Variants in UBXN2B observed in about 807,000 individuals in gnomAD.
The protein encoded by UBXN2B is UBX domain-containing protein 2B.
In UBXN2B, 19 loss-of-function variants were observed where a neutral mutation model predicts 37.5. The ratio of observed to expected loss-of-function variants is 0.51; its 90% CI spans 0.35 to 0.74. The LOEUF is 0.74. Among genes scored for constraint, UBXN2B ranks in the 30% least tolerant of loss-of-function variants. The pLI is 0.01. For synonymous variants in UBXN2B, 145 were observed against 143.8 expected (o/e 1.01, Z -0.06); for missense variants, 370 against 393.2 (o/e 0.94, Z 0.50).
chr8:58,430,871 C>T (rs1808252917), intron 3 of UBXN2B, among the ~76,000 whole-genome samples: 1 of 151,924 alleles, frequency 6.6e-6, no homozygotes, highest in Non-Finnish European at 1.5e-5. Context: ...TTTAATTTAC[C>T]TTTTAATTAC....
intron 2 of UBXN2B, among the ~76,000 whole-genome samples, chr8:58,426,919 G>C (rs1334246129): frequency 2.0e-5 from 3 of 152,182 alleles, no homozygotes; most frequent in Non-Finnish European, 4.4e-5. Context: ...CTTCTAATAA[G>C]GTTTTGCCAA....
At chr8:58,426,297 G>C (rs13253288) in intron 2 of UBXN2B, 331,872 of 491,950 alleles carry the variant, frequency 0.67, 113,114 homozygotes, top group East Asian at 0.81. Flanking sequence ...AGCTCCGCCT[G>C]CTGGGTTCAT....
Position 58,439,706 on chromosome 8 carries a change from C to G in UBXN2B, c.607C>G (p.Gln203Glu). Residue 203 changes from glutamine to glutamate, a missense_variant, in exon 6 of 8, where the codon CAA (glutamine) becomes GAA (glutamate). By Grantham distance (29) the Gln-to-Glu change is conservative (BLOSUM62 2). Transcript: ENST00000399598. ...TTTGGATATGGAGGATCATCAGGAT[C>G]AAGAATACATAAAACCTAGATTGAG... ...VNLDMEDHQD[Q>E]EYIKPRLRFK... The G allele has an allele frequency of 6.2e-7, 1 of 1,612,834 alleles. No individual in the cohort carries two copies.
chr8:58,434,361 A>AT lies in UBXN2B; in HGVS notation c.424-33dup, dbSNP rs1338512085. ...TATGTATATGTGAATATATATATAT[A>AT]TATATATATTTTTTTTTTTTCTATA... On this transcript the variant is annotated intron_variant, in intron 4 of 7. Coordinates refer to ENST00000399598, the MANE Select transcript of UBXN2B (RefSeq NM_001077619.2). The AT allele has an allele frequency of 9.1e-5, 51 of 561,714 alleles. No homozygotes were observed. In the African/African-American group the frequency reaches 1.6e-3, roughly 18 times the overall value. The allele number at this position is 561,714 out of a possible 1,614,324, so 34.8% of individuals were successfully genotyped here. A position where few individuals can be genotyped will look rare whatever the true frequency, so the allele number is the denominator to read the frequency against.
At chr8:58,428,406 A>G (rs909218928) in intron 2 of UBXN2B, among the ~76,000 whole-genome samples, 9 of 152,242 alleles carry the variant, frequency 5.9e-5, no homozygotes, top group Non-Finnish European at 1.0e-4. Context: ...AATAAAGCTC[A>G]TTATGTGTAA....
chr8:58,425,916 CAG>C (rs1808071093), intron 2 of UBXN2B: 1 of 1,260,002 alleles, frequency 7.9e-7, no homozygotes, highest in African/African-American at 1.5e-5. Context: ...CTGGTGCGCA[CAG>C]AGAGAACAAA....
intron 2 of UBXN2B, among the ~76,000 whole-genome samples, chr8:58,421,273 C>G (rs1199907746): frequency 2.6e-5 from 4 of 151,886 alleles, no homozygotes; most frequent in Non-Finnish European, 4.4e-5. Flanking sequence ...TTCAAAAGAC[C>G]TTGATTTCAG....
chr8:58,431,587 A>G, intron 3 of UBXN2B, among the ~76,000 whole-genome samples: 1 of 152,236 alleles, frequency 6.6e-6, no homozygotes, highest in East Asian at 1.9e-4. Flanking sequence ...AAATGCTCAG[A>G]AGTGCAATTG....
chr8:58,443,989 A>G (rs1345206665), intron 6 of UBXN2B, among the ~76,000 whole-genome samples: 1 of 152,148 alleles, frequency 6.6e-6, no homozygotes, highest in African/African-American at 2.4e-5. Flanking sequence ...TTGGAAGTCC[A>G]TCCATTCCAG....
intron 2 of UBXN2B, among the ~76,000 whole-genome samples, chr8:58,427,818 T>G (rs1007375396): frequency 5.9e-5 from 9 of 152,192 alleles, no homozygotes; most frequent in Non-Finnish European, 1.3e-4. Flanking sequence ...TCTTTGGCAG[T>G]GGATAAATAT....
chr8:58,451,263 T>C lies in UBXN2B; in HGVS notation c.*3712T>C, dbSNP rs1808794268. The C allele has an allele frequency of 6.6e-6, 1 of 152,230 alleles. No homozygotes were observed. Among genetic ancestry groups the C allele is most frequent in the Non-Finnish European group, 1.5e-5 (1 of 68,032 alleles). 9.4% of individuals were successfully genotyped at this position (152,230 alleles called of 1,614,324 possible). The stretch of plus-strand genomic sequence containing the variant: ...GATAGAGATTTACATTAGGAGAGAA[T>C]TAAACATCCAGGAGGGATGAACAGT... On this transcript the variant is annotated 3_prime_UTR_variant, in exon 8 of 8. Transcript: ENST00000399598.
In UBXN2B at chr8:58,425,583, G is replaced by T. The variant is rs377431889; in HGVS notation, c.189-4936G>T. 1.5e-3 allele frequency: 1,589 copies of T among 1,059,990 alleles called. 39 individuals are homozygous for T. In the South Asian group the frequency reaches 0.019, roughly 13 times the overall value. 65.7% of individuals were successfully genotyped at this position (1,059,990 alleles called of 1,614,324 possible). ...CTTGCCTTTTACCCTCTTTTCGGCC[G>T]TAGAGAAGTATGCACTCCTGTTGTT... is the stretch of plus-strand genomic sequence containing the variant. On this transcript the variant is annotated intron_variant, in intron 2 of 7. Transcript: ENST00000399598.
At chr8:58,441,058 T>A (rs774507838) in intron 6 of UBXN2B, among the ~76,000 whole-genome samples, 7 of 151,382 alleles carry the variant, frequency 4.6e-5, no homozygotes, top group Non-Finnish European at 8.8e-5. Context: ...AGTGGTGTAG[T>A]CATAGTTCAC....
intron 5 of UBXN2B, among the ~76,000 whole-genome samples, chr8:58,435,963 A>G (rs905137355): frequency 3.9e-5 from 6 of 152,230 alleles, no homozygotes; most frequent in Non-Finnish European, 7.3e-5. Context: ...ATCTATGTAC[A>G]TGATTCTCCA....
chr8:58,441,367 A>ATGTATG (rs1399063480), intron 6 of UBXN2B, among the ~76,000 whole-genome samples: 6 of 142,456 alleles, frequency 4.2e-5, no homozygotes, highest in African/African-American at 1.3e-4. Context: ...ATATATATAT[A>ATGTATG]TGTATGTGTA....
chr8:58,426,688 T>A, intron 2 of UBXN2B: 1 of 719,286 alleles, frequency 1.4e-6, no homozygotes. Context: ...AATGTCATGT[T>A]CCTCCCACAT....
intron 2 of UBXN2B, among the ~76,000 whole-genome samples, chr8:58,423,856 A>G (rs558971666): frequency 5.3e-5 from 8 of 152,106 alleles, no homozygotes; most frequent in Non-Finnish European, 1.2e-4. Context: ...CAGTTACTCA[A>G]ATGCAAAGAA....
chr8:58,431,831 T>G (rs542454368), intron 3 of UBXN2B, among the ~76,000 whole-genome samples: 1 of 152,370 alleles, frequency 6.6e-6, no homozygotes, highest in South Asian at 2.1e-4. Flanking sequence ...TTGCATTTTC[T>G]TAATAGCTAG....
At chr8:58,442,904 A>G (rs184656960) in intron 6 of UBXN2B, among the ~76,000 whole-genome samples, 1 of 152,156 alleles carries the variant, frequency 6.6e-6, no homozygotes. Flanking sequence ...TGCCACTCTC[A>G]CTTACCTGAG....
Sources: allele counts gnomAD v4.1 joint callset (sites outside exome capture counted in the v4.1 genomes callset), GRCh38; gene constraint gnomAD v4.1.1; transcripts MANE v1.5; gene names NCBI Gene and HGNC (gene_info 2026-07-23, HGNC 2026-07-21).